The following ATXN10 variants were observed in gnomAD, a reference collection of about 807,000 sequenced individuals.
ATXN10 encodes ataxin-10.
A neutral mutation model predicts 52.9 loss-of-function variants in ATXN10; 28 were observed. The observed-to-expected ratio is 0.53, with a 90% confidence interval of 0.39 to 0.73. ATXN10 has a LOEUF of 0.73. Among genes scored for constraint, ATXN10 ranks in the 30% least tolerant of loss-of-function variants. The pLI, the probability that ATXN10 is intolerant of heterozygous loss-of-function variation, is 0.00. For missense variants in ATXN10, 565 were observed against 577.0 expected (o/e 0.98, Z 0.21); for synonymous variants, 226 against 221.5 (o/e 1.02, Z -0.18).
chr22:45,730,069 C>G (rs1925027768), intron 7 of ATXN10, among the ~76,000 whole-genome samples: 1 of 152,122 alleles, frequency 6.6e-6, no homozygotes, highest in Non-Finnish European at 1.5e-5. Flanking sequence ...ATAGGCTGGG[C>G]ACGGTGCCTC....
intron 9 of ATXN10, among the ~76,000 whole-genome samples, chr22:45,777,586 T>C (rs1927005404): frequency 6.6e-6 from 1 of 152,222 alleles, no homozygotes; most frequent in East Asian, 1.9e-4. Flanking sequence ...CTGTTTTCCT[T>C]ATGAGAACAG....
At position 45,819,046 on chromosome 22, in the gene ATXN10, A is replaced by G. The variant is rs1019913586; in HGVS notation, c.1237+12024A>G. Among the ~76,000 whole-genome samples, 1 of 152,164 alleles carries G rather than the reference A, an allele frequency of 6.6e-6. No homozygotes were observed. Among genetic ancestry groups the G allele is most frequent in the Admixed American group, 6.5e-5 (1 of 15,278 alleles). On this transcript the variant is annotated intron_variant, in intron 10 of 11. Transcript: ENST00000252934. The surrounding 1 kb of genome is among the most constrained non-coding windows in gnomAD (Gnocchi z 4.5). Reference sequence around the variant, plus strand: ...ATCGTCACTATTCTAGACCAGTTGTAAGCTTACTAGCTTAAGAAAGTATTT... The same window carrying G: ...ATCGTCACTATTCTAGACCAGTTGTGAGCTTACTAGCTTAAGAAAGTATTT...
chr22:45,709,183 G>A (rs939393057), intron 5 of ATXN10, among the ~76,000 whole-genome samples: 7 of 152,130 alleles, frequency 4.6e-5, no homozygotes, highest in Middle Eastern at 3.4e-3. Flanking sequence ...TCTTCTGTTC[G>A]CGCACAACAG....
In ATXN10 at chr22:45,694,380, CG is replaced by C. The variant is rs755462315; in HGVS notation, c.391+1303del. ...AAAAATCTTAATGTAGGCTGGGTGC[CG>C]TGGCTCATGCCTGTAATTCTAGCAC... On this transcript the variant is annotated intron_variant, in intron 3 of 11. Coordinates refer to ENST00000252934, the MANE Select transcript of ATXN10 (RefSeq NM_013236.4). Among the ~76,000 whole-genome samples, 445 of 152,084 alleles carry C rather than the reference CG, an allele frequency of 2.9e-3. 2 individuals carry two copies. The highest frequency in any genetic ancestry group is 8.7e-3 in the South Asian group (42 of 4,820).
In ATXN10 at chr22:45,825,278, G is replaced by C. The variant is rs1344703729; in HGVS notation, c.1238-17713G>C. ...AGTCCTTCCACCTCTGGCTGAAGTG[G>C]CTTTCTGGGTATTTAAAAGGCCAGC... On this transcript the variant is annotated intron_variant, in intron 10 of 11. Transcript: ENST00000252934. The surrounding 1 kb of genome is among the most constrained non-coding windows in gnomAD (Gnocchi z 4.5). Among the ~76,000 whole-genome samples, 1 of 152,168 alleles carries C rather than the reference G, an allele frequency of 6.6e-6. No homozygotes were observed. The highest frequency in any genetic ancestry group is 1.5e-5 in the Non-Finnish European group (1 of 68,032).
At position 45,772,044 on chromosome 22, in the gene ATXN10, G is replaced by C; in HGVS notation, c.1173+31506G>C. 6.6e-6 allele frequency among the ~76,000 whole-genome samples: 1 copy of C among 152,180 alleles called. No homozygotes were observed. The highest frequency in any genetic ancestry group is 1.5e-5 in the Non-Finnish European group (1 of 68,040). On this transcript the variant is annotated intron_variant, in intron 9 of 11. Transcript: ENST00000252934. This position sits in a 1 kb window ranked among gnomAD's most constrained non-coding sequence, Gnocchi z 4.1. Reference sequence around the variant, plus strand: ...AGTAGCCCACATTTTCATTCTCTTAGCAGTGTGTTTGGCAGAGCAAGAGTT... The same window carrying C: ...AGTAGCCCACATTTTCATTCTCTTACCAGTGTGTTTGGCAGAGCAAGAGTT...
chr22:45,771,724 T>C (rs967224325), intron 9 of ATXN10, among the ~76,000 whole-genome samples: 2 of 152,166 alleles, frequency 1.3e-5, no homozygotes, highest in Non-Finnish European at 2.9e-5. Context: ...GCCTGAGTCT[T>C]TGGTGACGTA....
At chr22:45,746,401 A>G (rs1925727545) in intron 9 of ATXN10, among the ~76,000 whole-genome samples, 2 of 152,012 alleles carry the variant, frequency 1.3e-5, no homozygotes, top group South Asian at 2.1e-4. Context: ...GTCTATGGCT[A>G]TTTCCTAATG....
rs1195798094 is a variant in ATXN10 at position 45,681,565 on chromosome 22, A to T, written c.117-8147A>T. Among the ~76,000 whole-genome samples the T allele has an allele frequency of 2.0e-5, 3 of 152,116 alleles. No homozygotes were observed. The highest frequency in any genetic ancestry group is 7.2e-5 in the African/African-American group (3 of 41,418). On this transcript the variant is annotated intron_variant, in intron 1 of 11. Transcript: ENST00000252934. The surrounding 1 kb of genome is among the most constrained non-coding windows in gnomAD (Gnocchi z 4.2). ...TTTTTTAATGTACATCCTCAACTCC[A>T]CTGCCTCCTCTCTAAACTTTGTTAT...
chr22:45,808,281 A>G (rs774633407), intron 10 of ATXN10, among the ~76,000 whole-genome samples: 8 of 152,240 alleles, frequency 5.3e-5, no homozygotes, highest in Non-Finnish European at 8.8e-5. Context: ...TTCAGGTACA[A>G]TTGCAGATGT....
In ATXN10 at chr22:45,727,408, G is replaced by A. The variant is rs2146786983; in HGVS notation, c.729-2017G>A. On this transcript the variant is annotated intron_variant, in intron 6 of 11. Transcript: ENST00000252934. The surrounding 1 kb of genome is among the most constrained non-coding windows in gnomAD (Gnocchi z 4.6). ...GAGTCTCGCTCTGTTGCCCAGGCTG[G>A]GGTGCAGTGGCACGATCTTGGCTTA... is the stretch of plus-strand genomic sequence containing the variant. Among the ~76,000 whole-genome samples, 1 of 151,798 alleles carries A rather than the reference G, an allele frequency of 6.6e-6. No individual in the cohort carries two copies. The highest frequency in any genetic ancestry group is 2.1e-4 in the South Asian group (1 of 4,816).
Position 45,784,417 on chromosome 22 carries a change from G to A in ATXN10, c.1174-22542G>A, listed in dbSNP as rs1261686180. Among the ~76,000 whole-genome samples, 1 of 152,164 alleles carries A rather than the reference G, an allele frequency of 6.6e-6. No homozygotes were observed. The highest frequency in any genetic ancestry group is 1.9e-4 in the East Asian group (1 of 5,182). On this transcript the variant is annotated intron_variant, in intron 9 of 11. Transcript: ENST00000252934. This position sits in a 1 kb window ranked among gnomAD's most constrained non-coding sequence, Gnocchi z 4.2. ...CTCGCCTATTTCCCATTTTCAAGCA[G>A]AGCTAACACAGCTTCTAAGACATAT... is the stretch of plus-strand genomic sequence containing the variant.
At chr22:45,792,815 T>C in intron 9 of ATXN10, 1 of 532,088 alleles carries the variant, frequency 1.9e-6, no homozygotes, top group East Asian at 5.2e-5. Context: ...GTACTTTGAA[T>C]AATGAGGCCA....
chr22:45,706,064 G>C (rs1924029407), intron 5 of ATXN10, among the ~76,000 whole-genome samples: 2 of 152,156 alleles, frequency 1.3e-5, no homozygotes, highest in Non-Finnish European at 2.9e-5. Context: ...AATGCCTGTT[G>C]ATCTGAGGTA....
At chr22:45,711,927 G>T (rs1361660555) in intron 5 of ATXN10, among the ~76,000 whole-genome samples, 4 of 152,150 alleles carry the variant, frequency 2.6e-5, no homozygotes, top group African/African-American at 9.7e-5. Flanking sequence ...AACAGTGTAT[G>T]GAATGCATCT....
intron 3 of ATXN10, among the ~76,000 whole-genome samples, chr22:45,694,859 T>C (rs1923529562): frequency 7.1e-6 from 1 of 140,602 alleles, no homozygotes; most frequent in African/African-American, 2.7e-5. Context: ...GAAGATTGCT[T>C]GAGCCTGGGA....
At position 45,712,530 on chromosome 22, in the gene ATXN10, C is replaced by G. The variant is rs559414227; in HGVS notation, c.648-5883C>G. Among the ~76,000 whole-genome samples the G allele has an allele frequency of 1.3e-5, 2 of 152,288 alleles. No homozygotes were observed. The highest frequency in any genetic ancestry group is 4.1e-4 in the South Asian group (2 of 4,820). The stretch of plus-strand genomic sequence containing the variant: ...TGCCAGTGAGTGTTGGGCTGAGACT[C>G]AAACCCAGCTCTTTCTGAGACCAAA... On this transcript the variant is annotated intron_variant, in intron 5 of 11. Transcript: ENST00000252934. The surrounding 1 kb of genome is among the most constrained non-coding windows in gnomAD (Gnocchi z 4.6).
chr22:45,842,817 T>C lies in ATXN10; in HGVS notation c.1238-174T>C, dbSNP rs1014599199. The stretch of plus-strand genomic sequence containing the variant: ...ATGTGCATATGCCTGCGTTGCCTCT[T>C]TTTAATGTGTTTGCACTTGAGATGC... On this transcript the variant is annotated intron_variant, in intron 10 of 11. Coordinates refer to ENST00000252934, the MANE Select transcript of ATXN10 (RefSeq NM_013236.4). This position sits in a 1 kb window ranked among gnomAD's most constrained non-coding sequence, Gnocchi z 4.8. 2.0e-5 allele frequency among the ~76,000 whole-genome samples: 3 copies of C among 152,196 alleles called. No homozygotes were observed. The highest frequency in any genetic ancestry group is 7.2e-5 in the African/African-American group (3 of 41,452).
rs191579955 is a variant in ATXN10, at chr22:45,672,294, A to C, written c.116+115A>C. 1,353 of 1,117,716 alleles carry C rather than the reference A, an allele frequency of 1.2e-3. 25 individuals are homozygous for C. In the East Asian group the frequency reaches 0.032, roughly 26 times the overall value. The allele number at this position is 1,117,716 out of a possible 1,614,324, so 69.2% of individuals were successfully genotyped here. On this transcript the variant is annotated intron_variant, in intron 1 of 11. Transcript: ENST00000252934. ...CGCCTCGCTGGAGACGCGGAGGGCG[A>C]GGCCTGCGCGGGCTGCCTGAGCGCC...
Sources: gnomAD v4.1 joint callset for allele counts (sites outside exome capture counted in the v4.1 genomes callset) on GRCh38, gnomAD v4.1.1 for gene constraint, Gnocchi (gnomAD v3.1) non-coding constraint, MANE v1.5 for transcripts, NCBI Gene and HGNC (gene_info 2026-07-23, HGNC 2026-07-21) for gene names.